CISTR: variants seen among roughly 807,000 people sequenced by gnomAD.
CISTR encodes the protein chondrogenic regulator lncRNA.
At chr12:53,753,402 G>C (rs557184567) in intron 1 of CISTR, among the ~76,000 whole-genome samples, 10 of 152,274 alleles carry the variant, frequency 6.6e-5, no homozygotes, top group African/African-American at 2.4e-4. Flanking sequence ...CAGTTGAGTT[G>C]GTCAGGAGCA....
chr12:53,752,549 T>C (rs1026987531), intron 1 of CISTR, among the ~76,000 whole-genome samples: 1 of 152,208 alleles, frequency 6.6e-6, no homozygotes, highest in Non-Finnish European at 1.5e-5. Flanking sequence ...TGATAACGAA[T>C]GTAACATGCT....
At chr12:53,748,833 G>A (rs1593109662) in intron 2 of CISTR, among the ~76,000 whole-genome samples, 1 of 152,176 alleles carries the variant, frequency 6.6e-6, no homozygotes, top group South Asian at 2.1e-4. Context: ...GGAAATGAGA[G>A]TGATGGTGGG....
intron 2 of CISTR, among the ~76,000 whole-genome samples, chr12:53,748,822 A>G (rs949821409): frequency 2.0e-5 from 3 of 152,142 alleles, no homozygotes; most frequent in Admixed American, 6.5e-5. Flanking sequence ...CCAAGGAGAA[A>G]GGAAATGAGA....
chr12:53,752,606 C>G (rs1261304896), intron 1 of CISTR, among the ~76,000 whole-genome samples: 1 of 152,210 alleles, frequency 6.6e-6, no homozygotes. Flanking sequence ...TGCCTTTCCT[C>G]AATCTGCTCC....
At chr12:53,755,232 T>TGAGACACATCACCTG (rs1256921273) in intron 1 of CISTR, among the ~76,000 whole-genome samples, 2 of 152,096 alleles carry the variant, frequency 1.3e-5, no homozygotes, top group Non-Finnish European at 2.9e-5. Context: ...TCCCACGATG[T>TGAGACACATCACCTG]GAGACACATC....
chr12:53,749,421 G>T (rs1202346408), intron 2 of CISTR, among the ~76,000 whole-genome samples: 2 of 151,972 alleles, frequency 1.3e-5, no homozygotes, highest in Non-Finnish European at 1.5e-5. Context: ...GGGGAAATGG[G>T]GAGGGAAGGC....
chr12:53,753,889 G>A (rs760868599), intron 1 of CISTR, among the ~76,000 whole-genome samples: 5 of 152,168 alleles, frequency 3.3e-5, no homozygotes, highest in Non-Finnish European at 7.3e-5. Flanking sequence ...ATGTCCTGCT[G>A]TTGTAGCTCT....
chr12:53,755,765 C>G (rs984314749), intron 1 of CISTR: 1 of 152,490 alleles, frequency 6.6e-6, no homozygotes, highest in African/African-American at 2.4e-5. Flanking sequence ...ACCATTTCTC[C>G]TGGCCTCAGG....
intron 2 of CISTR, among the ~76,000 whole-genome samples, chr12:53,748,908 C>T (rs375350488): frequency 1.3e-5 from 2 of 152,094 alleles, no homozygotes; most frequent in East Asian, 3.9e-4. Context: ...GTTGAGGGCT[C>T]TGCTGGCCTT....
chr12:53,748,653 A>C (rs1937809076), intron 2 of CISTR, among the ~76,000 whole-genome samples: 1 of 152,206 alleles, frequency 6.6e-6, no homozygotes, highest in South Asian at 2.1e-4. Flanking sequence ...CAGAGGCATG[A>C]GAAGGTCCCA....
intron 1 of CISTR, among the ~76,000 whole-genome samples, chr12:53,753,665 GGTGTGT>G (rs55769002): frequency 0.03 from 4,283 of 141,162 alleles, 63 homozygotes; most frequent in Middle Eastern, 0.065. Context: ...AATGCATAGG[GGTGTGT>G]GTGTGTGTGT....
At chr12:53,757,034 A>AG (rs76246638) in exon 1 of CISTR, 82,051 of 152,000 alleles carry the variant, frequency 0.54, 23,919 homozygotes, top group African/African-American at 0.78. Flanking sequence ...GAGGTGGGGG[A>AG]GGGGCATGGC....
At chr12:53,748,233 C>T (rs561338292) in intron 2 of CISTR, among the ~76,000 whole-genome samples, 2 of 152,220 alleles carry the variant, frequency 1.3e-5, no homozygotes, top group Non-Finnish European at 2.9e-5. Flanking sequence ...GGCTGCACCG[C>T]GGGCCGTCAA....
chr12:53,747,955 G>A (rs1019848535), intron 2 of CISTR, among the ~76,000 whole-genome samples: 1 of 152,090 alleles, frequency 6.6e-6, no homozygotes, highest in African/African-American at 2.4e-5. Flanking sequence ...TCCTCCAGTC[G>A]GCTTCCCACC....
Position 53,748,326 on chromosome 12 carries a change from C to T in CISTR, n.1064-1478G>A, listed in dbSNP as rs182179008. ...CCCCCCAACTCCATCCCCAACACTG[C>T]GGGGCAGGAAAAGAGGCAGAGAAGG... On this transcript the variant is annotated intron_variant and non_coding_transcript_variant, in intron 2 of 2. Transcript: ENST00000669269. Among the ~76,000 whole-genome samples, 29 of 152,258 alleles carry T rather than the reference C, an allele frequency of 1.9e-4. 1 individual carries two copies. The East Asian group carries it at 5.6e-3, about 29-fold the overall frequency.
At chr12:53,748,214 C>G (rs1191963095) in intron 2 of CISTR, among the ~76,000 whole-genome samples, 1 of 152,190 alleles carries the variant, frequency 6.6e-6, no homozygotes, top group Non-Finnish European at 1.5e-5. Flanking sequence ...TCCTAATCAG[C>G]GCTGCGGAGG....
At chr12:53,754,074 G>A (rs1351082970) in intron 1 of CISTR, among the ~76,000 whole-genome samples, 1 of 152,082 alleles carries the variant, frequency 6.6e-6, no homozygotes, top group Non-Finnish European at 1.5e-5. Context: ...GCCTCCAGAA[G>A]TCCCCAAACA....
chr12:53,753,519 G>A (rs1284136677), intron 1 of CISTR, among the ~76,000 whole-genome samples: 3 of 152,136 alleles, frequency 2.0e-5, no homozygotes, highest in Non-Finnish European at 2.9e-5. Flanking sequence ...TAGAGGATAG[G>A]GAGAATGGTA....
intron 2 of CISTR, among the ~76,000 whole-genome samples, chr12:53,747,537 G>C (rs1937796900): frequency 6.6e-6 from 1 of 152,160 alleles, no homozygotes; most frequent in African/African-American, 2.4e-5. Context: ...GAATGACTGG[G>C]ATTTGGAGCT....
Sources: gnomAD v4.1 joint callset for allele counts (sites outside exome capture counted in the v4.1 genomes callset) on GRCh38, gnomAD v4.1.1 for gene constraint, MANE v1.5 for transcripts, NCBI Gene and HGNC (gene_info 2026-07-23, HGNC 2026-07-21) for gene names.